PAH: variants seen among roughly 807,000 people sequenced by gnomAD.
PAH encodes the protein phenylalanine hydroxylase.
Under a neutral mutation model 62.0 loss-of-function variants are expected in PAH, and 64 were observed. The observed-to-expected ratio is 1.03, with a 90% confidence interval of 0.84 to 1.27. The LOEUF (loss-of-function observed/expected upper bound fraction) is 1.27. Among genes scored for constraint, PAH ranks in the 50% most tolerant of loss-of-function variants. The pLI, the probability that PAH is intolerant of heterozygous loss-of-function variation, is 0.00. For missense variants in PAH, 579 were observed against 542.8 expected, an observed-to-expected ratio of 1.07 and a Z score of -0.66; for synonymous variants, 195 against 196.2, an observed-to-expected ratio of 0.99 and a Z score of 0.05.
upstream of PAH, among the ~76,000 whole-genome samples, chr12:102,918,040 G>T (rs77892502): frequency 0.035 from 5,312 of 152,256 alleles, 310 homozygotes; most frequent in African/African-American, 0.12. Context: ...AACAGACTCT[G>T]CCTCCCCAGC....
chr12:102,865,096 G>T (rs767664063), intron 5 of PAH, among the ~76,000 whole-genome samples: 3 of 152,152 alleles, frequency 2.0e-5, no homozygotes, highest in African/African-American at 7.2e-5. Context: ...CAGTAACCAA[G>T]TTAACTGATT....
At chr12:102,909,453 T>C (rs918277168) in intron 2 of PAH, among the ~76,000 whole-genome samples, 5 of 152,198 alleles carry the variant, frequency 3.3e-5, no homozygotes, top group Non-Finnish European at 5.9e-5. Flanking sequence ...TTTTGAATAA[T>C]GTTGATTTTG....
chr12:102,877,406 G>T (rs955108942), intron 4 of PAH, 56 bp downstream of exon 4: 7 of 1,143,444 alleles, frequency 6.1e-6, no homozygotes, highest in Non-Finnish European at 9.3e-6. Context: ...AAGAGGAAGG[G>T]AGGGGAGTGG....
upstream of PAH, chr12:102,917,286 C>T (rs1215899037): frequency 1.4e-6 from 1 of 708,576 alleles, no homozygotes; most frequent in Non-Finnish European, 2.5e-6. Flanking sequence ...CGCACAGTAA[C>T]GCCCCTCGTG....
intron 2 of PAH, among the ~76,000 whole-genome samples, chr12:102,900,427 T>C (rs1405876269): frequency 6.6e-6 from 1 of 152,072 alleles, no homozygotes; most frequent in Non-Finnish European, 1.5e-5. Context: ...TAAATACTTA[T>C]AATAGATATA....
intron 1 of PAH, among the ~76,000 whole-genome samples, chr12:102,922,487 C>A (rs559989348): frequency 6.6e-6 from 1 of 152,154 alleles, no homozygotes; most frequent in African/African-American, 2.4e-5. Context: ...TCACCACGCC[C>A]GGCCCTAAAC....
intron 10 of PAH, 28 bp downstream of exon 10, chr12:102,844,308 C>CTA: frequency 6.8e-7 from 1 of 1,473,868 alleles, no homozygotes; most frequent in East Asian, 2.3e-5. Context: ...ACTTTTAAAT[C>CTA]TATCCTTGGT....
intron 1 of PAH, among the ~76,000 whole-genome samples, chr12:102,916,200 GTT>G (rs1878375732): frequency 1.3e-5 from 2 of 151,974 alleles, no homozygotes; most frequent in Admixed American, 6.5e-5. Flanking sequence ...AGTCTTTCTA[GTT>G]ATATTAACGT....
chr12:102,849,955 C>T (rs1476300838), intron 8 of PAH, among the ~76,000 whole-genome samples: 1 of 152,216 alleles, frequency 6.6e-6, no homozygotes, highest in Non-Finnish European at 1.5e-5. Context: ...CCAAGAGCTC[C>T]TGTTTGTTGA....
intron 3 of PAH, among the ~76,000 whole-genome samples, chr12:102,894,139 G>A (rs1386083623): frequency 2.0e-5 from 3 of 152,170 alleles, no homozygotes; most frequent in African/African-American, 4.8e-5. Context: ...AAAGGCAGTG[G>A]TCCAGTTTCA....
At chr12:102,862,060 C>A (rs1030114496) in intron 5 of PAH, among the ~76,000 whole-genome samples, 26 of 151,890 alleles carry the variant, frequency 1.7e-4, no homozygotes, top group African/African-American at 6.3e-4. Flanking sequence ...GAGGTACATA[C>A]CCAAAGGAAT....
chr12:102,946,967 G>A lies in PAH; in HGVS notation c.-96+3622C>T, dbSNP rs118156088. On this transcript the variant is annotated intron_variant, in intron 1 of 3. Coordinates refer to the PAH transcript ENST00000546844. ...TTTTATGTTCTGATGCCTTTTATAC[G>A]TGTGACTGTGACATTTAGTTAGATC... Among the ~76,000 whole-genome samples, 54 of 152,208 alleles carry A rather than the reference G, an allele frequency of 3.5e-4. No homozygotes were observed. In the East Asian group the frequency reaches 0.01, roughly 29 times the overall value.
chr12:102,876,662 T>C (rs1014742703), intron 4 of PAH, among the ~76,000 whole-genome samples: 8 of 152,164 alleles, frequency 5.3e-5, no homozygotes, highest in African/African-American at 1.9e-4. Flanking sequence ...AACAGGACGG[T>C]GGCCCTTCCC....
intron 3 of PAH, among the ~76,000 whole-genome samples, chr12:102,886,834 T>C (rs963725760): frequency 6.6e-6 from 1 of 152,126 alleles, no homozygotes; most frequent in African/African-American, 2.4e-5. Context: ...TCTGTCTTTT[T>C]CACTATTGCA....
At chr12:102,938,400 C>A (rs1879176753) in intron 1 of PAH, among the ~76,000 whole-genome samples, 2 of 152,174 alleles carry the variant, frequency 1.3e-5, no homozygotes, top group African/African-American at 2.4e-5. Flanking sequence ...CCCCAAGGGT[C>A]TTGGATCCCT....
chr12:102,942,487 A>C (rs1879329352), intron 1 of PAH, among the ~76,000 whole-genome samples: 1 of 152,116 alleles, frequency 6.6e-6, no homozygotes, highest in Non-Finnish European at 1.5e-5. Flanking sequence ...TAAAATGGCC[A>C]TACTACCCAC....
chr12:102,870,977 G>T (rs1472948275), intron 4 of PAH, among the ~76,000 whole-genome samples: 1 of 152,088 alleles, frequency 6.6e-6, no homozygotes, highest in Non-Finnish European at 1.5e-5. Context: ...TTCACATCCA[G>T]CAATCAATTT....
At chr12:102,916,935 G>T in intron 1 of PAH, 136 bp downstream of exon 1, 4 of 815,414 alleles carry the variant, frequency 4.9e-6, no homozygotes, top group South Asian at 4.1e-5. Context: ...TGACTTCCTG[G>T]ATATTCTCAT....
intron 11 of PAH, among the ~76,000 whole-genome samples, chr12:102,841,344 C>A (rs113949127): frequency 0.036 from 5,434 of 152,234 alleles, 317 homozygotes; most frequent in African/African-American, 0.12. Flanking sequence ...CTCTGGTGAA[C>A]CTATAAGCTG....
Sources: gnomAD v4.1 joint callset for allele counts (sites outside exome capture counted in the v4.1 genomes callset) on GRCh38, gnomAD v4.1.1 for gene constraint, MANE v1.5 for transcripts, NCBI Gene and HGNC (gene_info 2026-07-23, HGNC 2026-07-21) for gene names.